Variants in CDC14A observed in about 807,000 individuals in gnomAD.
CDC14A encodes the protein dual specificity protein phosphatase CDC14A.
CDC14A carries 53 observed loss-of-function variants against 74.4 expected under a neutral mutation model. That is an observed-to-expected ratio of 0.71 (90% confidence interval 0.57 to 0.89). CDC14A has a LOEUF of 0.89. CDC14A is among the 40% of genes least tolerant of loss of function. The pLI is 0.00. For missense variants in CDC14A, 646 were observed against 713.7 expected, an observed-to-expected ratio of 0.91 and a Z score of 1.08; for synonymous variants, 247 against 258.4, an observed-to-expected ratio of 0.96 and a Z score of 0.43.
intron 5 of CDC14A, among the ~76,000 whole-genome samples, chr1:100,432,041 G>A (rs1337210523): frequency 1.3e-5 from 2 of 152,132 alleles, no homozygotes; most frequent in Non-Finnish European, 2.9e-5. Context: ...TTCTTTAGAT[G>A]AGTAAAATGA....
At chr1:100,456,859 A>T (rs1666750290) in intron 8 of CDC14A, among the ~76,000 whole-genome samples, 1 of 152,214 alleles carries the variant, frequency 6.6e-6, no homozygotes, top group Admixed American at 6.5e-5. Context: ...CACAAACAGG[A>T]TACCTCTATG....
chr1:100,393,265 G>T (rs1657960873), intron 4 of CDC14A: 1 of 1,396,150 alleles, frequency 7.2e-7, no homozygotes, highest in Non-Finnish European at 1.0e-6. Context: ...TTCTGTGCAT[G>T]TTCAATCATA....
chr1:100,477,973 T>A (rs914578536), intron 10 of CDC14A, among the ~76,000 whole-genome samples: 2 of 152,194 alleles, frequency 1.3e-5, no homozygotes, highest in South Asian at 4.1e-4. Context: ...GTAAGAGAGA[T>A]GTTTATTAGC....
At chr1:100,403,349 A>C (rs185880815) in intron 4 of CDC14A, among the ~76,000 whole-genome samples, 79 of 152,328 alleles carry the variant, frequency 5.2e-4, no homozygotes, top group Admixed American at 1.8e-3. Flanking sequence ...CTGCTCACTA[A>C]TGGGTTGTAA....
intron 4 of CDC14A, among the ~76,000 whole-genome samples, chr1:100,404,862 C>CAAAA (rs1659749336): frequency 9.2e-6 from 1 of 108,642 alleles, no homozygotes; most frequent in East Asian, 2.6e-4. Flanking sequence ...CAAAACAAAA[C>CAAAA]AAAAAACTAA....
At chr1:100,464,921 CTTTTCTTTTT>C (rs1411439904) in intron 9 of CDC14A, among the ~76,000 whole-genome samples, 2 of 146,108 alleles carry the variant, frequency 1.4e-5, no homozygotes, top group Non-Finnish European at 3.0e-5. Flanking sequence ...CTTTTCTTTT[CTTTTCTTTTT>C]TTTTTTTTTT....
At chr1:100,466,500 G>A (rs1329889435) in intron 9 of CDC14A, among the ~76,000 whole-genome samples, 2 of 151,950 alleles carry the variant, frequency 1.3e-5, no homozygotes, top group Non-Finnish European at 2.9e-5. Flanking sequence ...TTTGATCTGG[G>A]GCAAGGGTTC....
chr1:100,352,942 T>G lies in CDC14A; in HGVS notation c.-13T>G, dbSNP rs751706311. ...CCACGACCCAGCCCTCCCCCGTGCG[T>G]ATCTCGCTTAAGATGGCAGCGGAGT... On this transcript the variant is annotated 5_prime_UTR_variant, in exon 1 of 16. Coordinates refer to ENST00000336454, the MANE Select transcript of CDC14A (RefSeq NM_003672.4). 1.1e-5 allele frequency: 18 copies of G among 1,613,834 alleles called. No individual in the cohort carries two copies. In the South Asian group the frequency reaches 2.0e-4, roughly 18 times the overall value.
At chr1:100,475,777 T>TGAA (rs1234445669) in intron 10 of CDC14A, among the ~76,000 whole-genome samples, 10 of 152,272 alleles carry the variant, frequency 6.6e-5, no homozygotes, top group African/African-American at 2.4e-4. Context: ...CTAGGCCTCC[T>TGAA]GTGACACCAC....
intron 9 of CDC14A, among the ~76,000 whole-genome samples, chr1:100,466,113 G>A (rs1395256182): frequency 6.6e-6 from 1 of 152,138 alleles, no homozygotes; most frequent in Non-Finnish European, 1.5e-5. Context: ...AGAGAAATTG[G>A]AAAATTTCCT....
At chr1:100,448,424 T>A (rs1056190278) in intron 7 of CDC14A, among the ~76,000 whole-genome samples, 3 of 152,240 alleles carry the variant, frequency 2.0e-5, no homozygotes, top group African/African-American at 7.2e-5. Flanking sequence ...ATTGTCTTGA[T>A]AGAAGTTAGA....
At position 100,518,319 on chromosome 1, in the gene CDC14A, C is replaced by T. The variant is rs113106934; in HGVS notation, c.*39C>T. On this transcript the variant is annotated 3_prime_UTR_variant, in exon 16 of 16. Transcript: ENST00000336454. ...CAGTGAAAGCTGTTCTTCTCTTAGACACAATTTCTTCATCTGGACGAGCAG... is the reference window on the plus strand; with the variant it reads ...CAGTGAAAGCTGTTCTTCTCTTAGATACAATTTCTTCATCTGGACGAGCAG... 13 of 1,561,684 alleles carry T rather than the reference C, an allele frequency of 8.3e-6. No individual in the cohort carries two copies. In the African/African-American group the frequency reaches 1.4e-4, roughly 16 times the overall value.
chr1:100,414,940 T>A (rs1477741056), intron 4 of CDC14A, among the ~76,000 whole-genome samples: 2 of 151,998 alleles, frequency 1.3e-5, no homozygotes, highest in African/African-American at 4.8e-5. Context: ...TTATAAGGGG[T>A]TGGACTAGTT....
intron 7 of CDC14A, among the ~76,000 whole-genome samples, chr1:100,444,143 C>T (rs28361233): frequency 0.12 from 18,571 of 152,176 alleles, 3,347 homozygotes; most frequent in African/African-American, 0.39. Flanking sequence ...GAGCACCCAG[C>T]CTCAAGGCTA....
Position 100,352,873 on chromosome 1 carries a change from C to T in CDC14A, c.-82C>T, listed in dbSNP as rs1651271497. On this transcript the variant is annotated 5_prime_UTR_variant, in exon 1 of 16. Transcript: ENST00000336454. ...GTTCGGGACTGTGAGCTTCCTGGCT[C>T]CTGGGCAGTGGGGAAGCCCCCGGGG... is the stretch of plus-strand genomic sequence containing the variant. The T allele has an allele frequency of 6.2e-7, 1 of 1,607,352 alleles. No homozygotes were observed. Among genetic ancestry groups the T allele is most frequent in the African/African-American group, 1.3e-5 (1 of 74,732 alleles).
At chr1:100,486,946 G>A (rs1369748359) in intron 11 of CDC14A, among the ~76,000 whole-genome samples, 3 of 151,984 alleles carry the variant, frequency 2.0e-5, no homozygotes, top group African/African-American at 7.3e-5. Context: ...TGGAAAATTC[G>A]CTTACTCAAA....
chr1:100,381,784 A>C (rs925673813), intron 3 of CDC14A, among the ~76,000 whole-genome samples: 13 of 152,194 alleles, frequency 8.5e-5, no homozygotes, highest in Non-Finnish European at 2.9e-5. Flanking sequence ...CCAATAAAAA[A>C]CCTGCTGCTT....
intron 5 of CDC14A, among the ~76,000 whole-genome samples, chr1:100,434,960 G>A (rs756197648): frequency 3.1e-4 from 47 of 152,254 alleles, no homozygotes; most frequent in Middle Eastern, 3.4e-3. Flanking sequence ...CCTTTCTAGC[G>A]GCAGCCTCAG....
intron 4 of CDC14A, among the ~76,000 whole-genome samples, chr1:100,412,710 A>ATATATATATATATTTTTTTTT (rs1660917302): frequency 6.3e-5 from 6 of 95,994 alleles, no homozygotes; most frequent in Admixed American, 5.0e-4. Flanking sequence ...ATATATATAT[A>ATATATATATATATTTTTTTTT]TATATATATA....
Sources: gnomAD v4.1 joint callset for allele counts (sites outside exome capture counted in the v4.1 genomes callset) on GRCh38, gnomAD v4.1.1 for gene constraint, MANE v1.5 for transcripts, NCBI Gene and HGNC (gene_info 2026-07-23, HGNC 2026-07-21) for gene names.